Variants in DNMT3L observed in about 807,000 individuals in gnomAD.
The protein encoded by DNMT3L is DNA (cytosine-5)-methyltransferase 3-like.
Under a neutral mutation model 36.2 loss-of-function variants are expected in DNMT3L, and 33 were observed. The observed-to-expected ratio is 0.91, with a 90% CI of 0.69 to 1.22. DNMT3L has a LOEUF of 1.22. Ranked by LOEUF, DNMT3L falls within the 50% of genes most tolerant of loss-of-function variation. The pLI, the probability that DNMT3L is intolerant of heterozygous loss-of-function variation, is 0.00. For missense variants in DNMT3L, 310 were observed against 303.1 expected, an observed-to-expected ratio of 1.02 and a Z score of -0.17; for synonymous variants, 117 against 121.7, an observed-to-expected ratio of 0.96 and a Z score of 0.26.
At position 44,258,549 on chromosome 21, in the gene DNMT3L, G is replaced by C; in HGVS notation, c.490C>G (p.Leu164Val). ...GACTCTCGGTCGTAGAAGGCCTTGA[G>C]CTGGCTGCGCCACTTCCTCCGACGC... ...LQRRRKWRSQ[L>V]KAFYDRESEN... The change falls in exon 6 of 12, where the codon CTC becomes GTC. Residue 164 changes from leucine to valine, a missense_variant. Coordinates refer to ENST00000628202, the MANE Select transcript of DNMT3L (RefSeq NM_175867.3). This position sits in a 1 kb window ranked among gnomAD's most constrained non-coding sequence, Gnocchi z 6.2. The C allele has an allele frequency of 6.3e-7, 1 of 1,589,920 alleles. No homozygotes were observed. Among genetic ancestry groups the C allele is most frequent in the East Asian group, 2.3e-5 (1 of 43,638 alleles).
rs2040258065 is a variant in DNMT3L, at chr21:44,256,233, C to T, written c.517-79G>A. The T allele has an allele frequency of 6.9e-6, 10 of 1,448,818 alleles. No individual in the cohort carries two copies. In the East Asian group the frequency reaches 2.3e-4, roughly 33 times the overall value. The allele number at this position is 1,448,818 out of a possible 1,614,324, so 89.7% of individuals were successfully genotyped here. ...CCCTTGAGTTACAATGAAAATTCTT[C>T]CCTGGATGAACACTCACTCGAGACT... is the stretch of plus-strand genomic sequence containing the variant. On this transcript the variant is annotated intron_variant, in intron 6 of 11. Transcript: ENST00000628202.
rs868350873 is a variant in DNMT3L, at chr21:44,258,584, C to T, written c.455G>A (p.Gly152Glu). 6.2e-7 allele frequency: 1 copy of T among 1,609,964 alleles called. No individual in the cohort carries two copies. The highest frequency in any genetic ancestry group is 8.5e-7 in the Non-Finnish European group (1 of 1,178,802). ...CYLCLPSSRSGLLQRRRKWRS... is the reference protein window; with the variant it reads ...CYLCLPSSRSELLQRRRKWRS... ...CCACTTCCTCCGACGCTGCAGCAGCCCGCTTCGGGAGGACGGCAGGCACAG... is the reference window on the plus strand; with the variant it reads ...CCACTTCCTCCGACGCTGCAGCAGCTCGCTTCGGGAGGACGGCAGGCACAG... The change falls in exon 6 of 12, where the codon GGG (glycine) becomes GAG (glutamate). Residue 152 changes from glycine (G) to glutamate (E), a missense_variant. Physicochemically the swap from Gly to Glu is moderately conservative, Grantham distance 98. Coordinates refer to ENST00000628202, the MANE Select transcript of DNMT3L (RefSeq NM_175867.3). This position sits in a 1 kb window ranked among gnomAD's most constrained non-coding sequence, Gnocchi z 6.2.
In DNMT3L at chr21:44,254,134, G is replaced by A. The variant is rs989666098; in HGVS notation, c.693+483C>T. 4.6e-5 allele frequency among the ~76,000 whole-genome samples: 7 copies of A among 152,226 alleles called. 1 individual carries two copies. The highest frequency in any genetic ancestry group is 2.1e-4 in the South Asian group (1 of 4,832). On this transcript the variant is annotated intron_variant, in intron 8 of 11. Coordinates refer to ENST00000628202, the MANE Select transcript of DNMT3L (RefSeq NM_175867.3). The stretch of plus-strand genomic sequence containing the variant: ...GGCCTACAGGGGGAACGCACGACTG[G>A]AGCTGTGTCACCTCCTTCCAGCAGC...
chr21:44,259,588 T>C, intron 4 of DNMT3L, 39 bp from the exon 5 acceptor site: 1 of 1,613,394 alleles, frequency 6.2e-7, no homozygotes, highest in East Asian at 2.2e-5. Flanking sequence ...GTGTCATCCC[T>C]GCTCTGAGGC....
Position 44,258,583 on chromosome 21 carries a change from C to T in DNMT3L, c.456G>A (p.Gly152=). 1 of 1,609,682 alleles carries T rather than the reference C, an allele frequency of 6.2e-7. No homozygotes were observed. The highest frequency in any genetic ancestry group is 8.5e-7 in the Non-Finnish European group (1 of 1,178,644). The change falls in exon 6 of 12, where the codon GGG becomes GGA. Residue 152 remains glycine (G), a synonymous_variant. Transcript: ENST00000628202. This position sits in a 1 kb window ranked among gnomAD's most constrained non-coding sequence, Gnocchi z 6.2. ...CYLCLPSSRS[G]LLQRRRKWRS... ...GCCACTTCCTCCGACGCTGCAGCAGCCCGCTTCGGGAGGACGGCAGGCACA... is the reference window on the plus strand; with the variant it reads ...GCCACTTCCTCCGACGCTGCAGCAGTCCGCTTCGGGAGGACGGCAGGCACA...
chr21:44,255,445 C>CG (rs1185227174), intron 7 of DNMT3L, among the ~76,000 whole-genome samples: 5 of 149,488 alleles, frequency 3.3e-5, no homozygotes, highest in Non-Finnish European at 5.9e-5. Context: ...TGGTTGAACC[C>CG]GGGGGGCAGA....
intron 6 of DNMT3L, 24 bp from the exon 7 acceptor site, chr21:44,256,178 G>A: frequency 6.2e-7 from 1 of 1,612,156 alleles, no homozygotes; most frequent in Non-Finnish European, 8.5e-7. Flanking sequence ...AACCAAAACA[G>A]GACATTGTGC....
chr21:44,258,808 C>T lies in DNMT3L; in HGVS notation c.345-114G>A. Reference sequence around the variant, plus strand: ...GGAGGGAAAAGTCACGCTGGAGCTCCCTTTGGGAAGACCAGGTGGTGGACT... The same window carrying T: ...GGAGGGAAAAGTCACGCTGGAGCTCTCTTTGGGAAGACCAGGTGGTGGACT... On this transcript the variant is annotated intron_variant, in intron 5 of 11. Coordinates refer to ENST00000628202, the MANE Select transcript of DNMT3L (RefSeq NM_175867.3). This position sits in a 1 kb window ranked among gnomAD's most constrained non-coding sequence, Gnocchi z 6.2. 1 of 1,406,286 alleles carries T rather than the reference C, an allele frequency of 7.1e-7. No individual in the cohort carries two copies. The highest frequency in any genetic ancestry group is 1.4e-5 in the South Asian group (1 of 69,652). The allele number at this position is 1,406,286 out of a possible 1,614,324, so 87.1% of individuals were successfully genotyped here. A position where few individuals can be genotyped will look rare whatever the true frequency, so the allele number is the denominator to read the frequency against.
At chr21:44,256,333 G>C (rs1453415699) in intron 6 of DNMT3L, among the ~76,000 whole-genome samples, 179 bp from the exon 7 acceptor site, 1 of 151,748 alleles carries the variant, frequency 6.6e-6, no homozygotes, top group Non-Finnish European at 1.5e-5. Flanking sequence ...CCCCCAGGAA[G>C]GCCAACTCCA....
chr21:44,254,928 C>T (rs1415273845), intron 7 of DNMT3L, among the ~76,000 whole-genome samples: 3 of 152,156 alleles, frequency 2.0e-5, no homozygotes, highest in East Asian at 3.9e-4. Flanking sequence ...CAGGTTCAAG[C>T]GGTTCCCCTG....
Position 44,261,139 on chromosome 21 carries a change from C to A in DNMT3L, c.106+15G>T, listed in dbSNP as rs1006468420. 2 of 1,612,022 alleles carry A rather than the reference C, an allele frequency of 1.2e-6. No individual in the cohort carries two copies. The highest frequency in any genetic ancestry group is 2.2e-5 in the South Asian group (2 of 91,042). ...CATCCTAAGTGACTGGTCCAATAAG[C>A]AGATGAGCCCTCACCTCTGCCTGTC... On this transcript the variant is annotated intron_variant, in intron 2 of 11. Coordinates refer to ENST00000628202, the MANE Select transcript of DNMT3L (RefSeq NM_175867.3).
chr21:44,261,010 G>A (rs2040312492), intron 2 of DNMT3L, 144 bp downstream of exon 2: 7 of 1,350,404 alleles, frequency 5.2e-6, no homozygotes, highest in Non-Finnish European at 7.2e-6. Flanking sequence ...ATACCTGGGG[G>A]AAGACTGTGG....
chr21:44,257,919 C>T (rs992094827), intron 6 of DNMT3L, among the ~76,000 whole-genome samples: 8 of 152,128 alleles, frequency 5.3e-5, no homozygotes, highest in Non-Finnish European at 1.0e-4. Flanking sequence ...GTCTCTGCCT[C>T]CATCATCATG....
In DNMT3L at chr21:44,260,713, C is replaced by A; in HGVS notation, c.151+82G>T. ...GCTCAAATGATCCTCCCACATTGGT[C>A]TCCCAAAGTGCTGGGATTATAGGTG... On this transcript the variant is annotated intron_variant, in intron 3 of 11. Coordinates refer to ENST00000628202, the MANE Select transcript of DNMT3L (RefSeq NM_175867.3). The A allele has an allele frequency of 1.9e-6, 3 of 1,574,640 alleles. No individual in the cohort carries two copies. The South Asian group carries it at 3.3e-5, about 17-fold the overall frequency.
In DNMT3L at chr21:44,258,458, A is replaced by ACC. The variant is rs2040282816; in HGVS notation, c.516+63_516+64dup. On this transcript the variant is annotated intron_variant, in intron 6 of 11. Coordinates refer to ENST00000628202, the MANE Select transcript of DNMT3L (RefSeq NM_175867.3). This position sits in a 1 kb window ranked among gnomAD's most constrained non-coding sequence, Gnocchi z 6.2. Reference sequence around the variant, plus strand: ...GGCGCGCCTGCATTCTGCAGCGGGAACCGAGGGAAGGCCGTAAGTCAGGGC... The same window carrying ACC: ...GGCGCGCCTGCATTCTGCAGCGGGAACCCCGAGGGAAGGCCGTAAGTCAGGGC... 2.7e-6 allele frequency: 4 copies of ACC among 1,476,996 alleles called. No individual in the cohort carries two copies. The East Asian group carries it at 1.0e-4, about 37-fold the overall frequency. 91.5% of individuals were successfully genotyped at this position (1,476,996 alleles called of 1,614,324 possible).
In DNMT3L at chr21:44,259,427, C is replaced by T; in HGVS notation, c.344+10G>A. The T allele has an allele frequency of 6.2e-7, 1 of 1,613,428 alleles. No homozygotes were observed. The highest frequency in any genetic ancestry group is 8.5e-7 in the Non-Finnish European group (1 of 1,179,968). ...CCCCTTCACCCCCCTGGGCAGGCCC[C>T]TCGCCTCACCGGGTGCAATCAGGGT... is the stretch of plus-strand genomic sequence containing the variant. On this transcript the variant is annotated intron_variant, in intron 5 of 11. Coordinates refer to ENST00000628202, the MANE Select transcript of DNMT3L (RefSeq NM_175867.3).
At chr21:44,257,681 A>G (rs1161193841) in intron 6 of DNMT3L, among the ~76,000 whole-genome samples, 1 of 21,176 alleles carries the variant, frequency 4.7e-5, no homozygotes, top group Non-Finnish European at 7.7e-5. Flanking sequence ...ACTCCGTCTC[A>G]AAAAAAAAAA....
At chr21:44,255,291 C>T (rs746675474) in intron 7 of DNMT3L, among the ~76,000 whole-genome samples, 39 of 151,662 alleles carry the variant, frequency 2.6e-4, no homozygotes, top group Non-Finnish European at 4.3e-4. Flanking sequence ...GAGTCCAAGG[C>T]GGATGGATCA....
At chr21:44,260,173 T>C (rs1332021533) in intron 3 of DNMT3L, among the ~76,000 whole-genome samples, 1 of 151,760 alleles carries the variant, frequency 6.6e-6, no homozygotes, top group Non-Finnish European at 1.5e-5. Context: ...GACAGGCTGA[T>C]CCTAAATTCA....
Sources: allele counts gnomAD v4.1 joint callset (sites outside exome capture counted in the v4.1 genomes callset), GRCh38; gene constraint gnomAD v4.1.1; non-coding constraint Gnocchi (gnomAD v3.1); transcripts MANE v1.5; gene names NCBI Gene and HGNC (gene_info 2026-07-23, HGNC 2026-07-21).